Variants in KIF5C observed in about 807,000 individuals in gnomAD.
The protein encoded by KIF5C is kinesin heavy chain isoform 5C.
KIF5C carries 18 observed loss-of-function variants against 125.2 expected under a neutral mutation model. The ratio of observed to expected loss-of-function variants is 0.14; its 90% confidence interval spans 0.10 to 0.21. The LOEUF (loss-of-function observed/expected upper bound fraction) is 0.21. KIF5C is among the 10% of genes least tolerant of loss of function. The pLI is 1.00. For synonymous variants in KIF5C, 405 were observed against 434.0 expected (o/e 0.93, Z 0.83); for missense variants, 780 against 1,183.8 (o/e 0.66, Z 5.01).
intron 10 of KIF5C, among the ~76,000 whole-genome samples, chr2:148,951,338 T>G (rs1289267445): frequency 6.6e-6 from 1 of 152,184 alleles, no homozygotes; most frequent in Non-Finnish European, 1.5e-5. Flanking sequence ...CACATGAGAC[T>G]TCCTAGATCC....
intron 4 of KIF5C, among the ~76,000 whole-genome samples, chr2:148,941,294 G>A (rs1004725917): frequency 3.9e-5 from 6 of 152,150 alleles, no homozygotes; most frequent in Admixed American, 6.5e-5. Flanking sequence ...TTTTCTAAGC[G>A]TGCTTGGTGC....
Position 149,026,013 on chromosome 2 carries a change from T to TC in KIF5C, c.*2943_*2944insC, listed in dbSNP as rs1263294231. 1 of 152,674 alleles carries TC rather than the reference T, an allele frequency of 6.5e-6. No homozygotes were observed. The highest frequency in any genetic ancestry group is 1.5e-5 in the Non-Finnish European group (1 of 68,038). 9.5% of individuals were successfully genotyped at this position (152,674 alleles called of 1,614,324 possible). On this transcript the variant is annotated 3_prime_UTR_variant, in exon 26 of 26. Coordinates refer to ENST00000435030, the MANE Select transcript of KIF5C (RefSeq NM_004522.3). ...AAATGTTTGTCTAGAATGTAGCATC[T>TC]AGTGACTTTTTAAAGCCCTAACGTT...
In KIF5C at chr2:148,957,788, A is replaced by G. The variant is rs185515500; in HGVS notation, c.969-4183A>G. On this transcript the variant is annotated intron_variant, in intron 10 of 25. Transcript: ENST00000435030. ...AATACATAAACTTAAGTGCATAACT[A>G]ATTTTTTTTTATAAATATATATACA... 5.8e-4 allele frequency among the ~76,000 whole-genome samples: 89 copies of G among 152,144 alleles called. 1 individual carries two copies. The highest frequency in any genetic ancestry group is 2.0e-3 in the African/African-American group (85 of 41,506).
intron 1 of KIF5C, among the ~76,000 whole-genome samples, chr2:148,898,988 G>T (rs535094533): frequency 6.6e-6 from 1 of 151,918 alleles, no homozygotes; most frequent in Non-Finnish European, 1.5e-5. Context: ...TATTTTGAAG[G>T]GTTTATGTTC....
At chr2:148,932,712 C>T (rs569087864) in intron 3 of KIF5C, among the ~76,000 whole-genome samples, 4 of 152,304 alleles carry the variant, frequency 2.6e-5, no homozygotes, top group South Asian at 2.1e-4. Context: ...CCCCAAGAGA[C>T]GCTTGGAGGT....
chr2:148,931,748 T>C (rs1028932608), intron 3 of KIF5C, among the ~76,000 whole-genome samples: 3 of 152,178 alleles, frequency 2.0e-5, no homozygotes, highest in African/African-American at 7.2e-5. Context: ...CTAGAGGCTC[T>C]CAAGCCCTCT....
chr2:148,974,396 T>C (rs6738453), intron 12 of KIF5C, among the ~76,000 whole-genome samples: 25,506 of 152,158 alleles, frequency 0.17, 3,465 homozygotes, highest in African/African-American at 0.37. Flanking sequence ...TCTTACAGGC[T>C]TCTCTCTTTG....
intron 19 of KIF5C, among the ~76,000 whole-genome samples, chr2:148,999,667 A>G (rs1681792412): frequency 1.3e-5 from 2 of 151,916 alleles, no homozygotes; most frequent in Non-Finnish European, 2.9e-5. Flanking sequence ...ACTGGAAGGG[A>G]GGGGGAGGTT....
At chr2:148,927,422 C>T (rs1302251807) in intron 2 of KIF5C, among the ~76,000 whole-genome samples, 1 of 152,044 alleles carries the variant, frequency 6.6e-6, no homozygotes, top group Non-Finnish European at 1.5e-5. Flanking sequence ...GTTCTAACAC[C>T]TAGGCCGGTG....
chr2:149,010,226 G>A lies in KIF5C; in HGVS notation c.2642G>A (p.Ser881Asn). ...ATAERVKALE[S>N]ALKEAKENAM... is the part of the protein sequence containing the mutation. Reference sequence around the variant, plus strand: ...GCGGAGCGCGTCAAGGCTCTGGAGAGCGCGCTGAAGGAGGCCAAGGAGAAC... The same window carrying A: ...GCGGAGCGCGTCAAGGCTCTGGAGAACGCGCTGAAGGAGGCCAAGGAGAAC... Residue 881 changes from serine (S) to asparagine (N), a missense_variant, in exon 24 of 26, where the codon AGC (serine) becomes AAC (asparagine). By Grantham distance (46) the Ser-to-Asn change is conservative. Around this residue, in one of 2 missense-constraint regions of KIF5C, gnomAD observed 573 missense variants for 742.6 expected, o/e 0.77. Transcript: ENST00000435030. The A allele has an allele frequency of 3.8e-6, 6 of 1,570,182 alleles. No individual in the cohort carries two copies. The highest frequency in any genetic ancestry group is 3.3e-4 in the Middle Eastern group (2 of 6,014).
At chr2:148,989,019 A>G (rs1186376556) in intron 15 of KIF5C, among the ~76,000 whole-genome samples, 1 of 152,058 alleles carries the variant, frequency 6.6e-6, no homozygotes, top group African/African-American at 2.4e-5. Flanking sequence ...GGTTACATGG[A>G]TAAGTTCTTT....
At chr2:148,962,227 G>A (rs902362463) in intron 11 of KIF5C, 108 bp downstream of exon 11, 168 of 1,431,490 alleles carry the variant, frequency 1.2e-4, no homozygotes, top group Middle Eastern at 2.6e-4. Context: ...GTGCAGTGGC[G>A]TGATCTTGGC....
chr2:148,878,496 T>A (rs1385584532), intron 1 of KIF5C: 4 of 152,204 alleles, frequency 2.6e-5, no homozygotes, highest in African/African-American at 7.2e-5. Context: ...ATATGGCTAG[T>A]GCTGCTATGA....
intron 1 of KIF5C, among the ~76,000 whole-genome samples, chr2:148,908,907 G>A (rs2105064612): frequency 6.6e-6 from 1 of 152,302 alleles, no homozygotes; most frequent in South Asian, 2.1e-4. Context: ...AATCCGTGAT[G>A]TTATCTACAT....
intron 1 of KIF5C, among the ~76,000 whole-genome samples, chr2:148,891,740 C>T (rs935928490): frequency 6.6e-6 from 1 of 152,014 alleles, no homozygotes; most frequent in Non-Finnish European, 1.5e-5. Flanking sequence ...TCTTGTTGCC[C>T]AGGCTGGAGT....
intron 13 of KIF5C, 36 bp from the exon 14 acceptor site, chr2:148,981,319 T>C (rs758591585): frequency 6.4e-6 from 10 of 1,563,936 alleles, no homozygotes; most frequent in African/African-American, 1.4e-5. Flanking sequence ...ATTTGAACAT[T>C]AGATTCACAA....
intron 1 of KIF5C, among the ~76,000 whole-genome samples, chr2:148,899,481 C>A (rs1299625777): frequency 1.3e-5 from 2 of 151,974 alleles, no homozygotes; most frequent in African/African-American, 4.8e-5. Flanking sequence ...GAGGGTGAAT[C>A]ACCTAAGGTC....
At chr2:148,994,745 C>T (rs1055332169) in intron 17 of KIF5C, among the ~76,000 whole-genome samples, 3 of 151,642 alleles carry the variant, frequency 2.0e-5, no homozygotes, top group African/African-American at 7.3e-5. Context: ...CTCTGTTGCC[C>T]AGGCTGAAGT....
intron 16 of KIF5C, among the ~76,000 whole-genome samples, chr2:148,994,112 T>C (rs985689930): frequency 6.6e-6 from 1 of 152,214 alleles, no homozygotes; most frequent in Non-Finnish European, 1.5e-5. Flanking sequence ...CTTTCTCTCA[T>C]GCATGCTTTT....
Sources: gnomAD v4.1 joint callset for allele counts (sites outside exome capture counted in the v4.1 genomes callset) on GRCh38, gnomAD v4.1.1 for gene constraint, gnomAD v4.1.1 regional missense constraint, MANE v1.5 for transcripts, NCBI Gene and HGNC (gene_info 2026-07-23, HGNC 2026-07-21) for gene names.